Variants in TBC1D12 observed in about 807,000 individuals in gnomAD.
TBC1D12 encodes TBC1 domain family member 12, also known as TBC1 domain family, member 12.
Under a neutral mutation model 86.7 loss-of-function variants are expected in TBC1D12, and 56 were observed. The ratio of observed to expected loss-of-function variants is 0.65; its 90% confidence interval spans 0.52 to 0.81. TBC1D12 has a LOEUF of 0.81. Ranked by LOEUF, TBC1D12 falls within the 30% of genes least tolerant of loss-of-function variation. The probability of loss-of-function intolerance (pLI) is 0.00; values close to 1 mark genes in which losing one functional copy is unlikely to be tolerated. For synonymous variants in TBC1D12, 421 were observed against 411.7 expected, an observed-to-expected ratio of 1.02 and a Z score of -0.27; for missense variants, 1,023 against 1,038.8, an observed-to-expected ratio of 0.98 and a Z score of 0.21.
chr10:94,504,833 T>C (rs1222492410), intron 6 of TBC1D12, among the ~76,000 whole-genome samples: 1 of 152,170 alleles, frequency 6.6e-6, no homozygotes, highest in Admixed American at 6.5e-5. Context: ...TGTCACAAAA[T>C]CAGAAAGCAA....
chr10:94,408,690 C>T (rs1414126436), intron 1 of TBC1D12, among the ~76,000 whole-genome samples: 1 of 152,086 alleles, frequency 6.6e-6, no homozygotes, highest in East Asian at 1.9e-4. Context: ...TATAAGTCTC[C>T]CTTACTTGTT....
rs558590818 is a variant in TBC1D12, at chr10:94,453,972, A to G, written c.1095+11953A>G. On this transcript the variant is annotated intron_variant, in intron 2 of 12. Coordinates refer to ENST00000225235, the MANE Select transcript of TBC1D12 (RefSeq NM_015188.2). ...GATCTCTGTTCTGTTCCATTGATCT[A>G]TTTGTCTGTTCTTTCACCAATGCCA... Among the ~76,000 whole-genome samples, 26 of 152,068 alleles carry G rather than the reference A, an allele frequency of 1.7e-4. No individual in the cohort carries two copies. The East Asian group carries it at 1.9e-3, about 11-fold the overall frequency.
intron 12 of TBC1D12, among the ~76,000 whole-genome samples, chr10:94,531,987 T>G (rs1026733036): frequency 6.6e-6 from 1 of 151,052 alleles, no homozygotes; most frequent in Non-Finnish European, 1.5e-5. Context: ...TTCACACCAT[T>G]CTCCTGCCTC....
At chr10:94,490,241 G>C (rs551083113) in intron 3 of TBC1D12, among the ~76,000 whole-genome samples, 1 of 151,612 alleles carries the variant, frequency 6.6e-6, no homozygotes, top group East Asian at 2.0e-4. Context: ...GGTGACAAGA[G>C]TGAAACTCTG....
chr10:94,411,189 T>C (rs1350932799), intron 1 of TBC1D12, among the ~76,000 whole-genome samples: 1 of 152,220 alleles, frequency 6.6e-6, no homozygotes, highest in Non-Finnish European at 1.5e-5. Context: ...CATGTGAAGA[T>C]GGCACAGTGC....
chr10:94,460,982 A>G (rs565300679), intron 2 of TBC1D12, among the ~76,000 whole-genome samples: 5 of 152,108 alleles, frequency 3.3e-5, no homozygotes, highest in Admixed American at 6.6e-5. Context: ...CATGTTGTCT[A>G]CTTTTTCCAT....
At chr10:94,456,112 T>G (rs1263918194) in intron 2 of TBC1D12, among the ~76,000 whole-genome samples, 1 of 152,216 alleles carries the variant, frequency 6.6e-6, no homozygotes, top group Non-Finnish European at 1.5e-5. Context: ...TTTATTGATC[T>G]TTTTAAAGAA....
At chr10:94,511,966 G>A (rs559835131) in intron 9 of TBC1D12, among the ~76,000 whole-genome samples, 1 of 152,232 alleles carries the variant, frequency 6.6e-6, no homozygotes, top group East Asian at 1.9e-4. Flanking sequence ...TGTGCCTCTA[G>A]AGAGTAAACC....
chr10:94,496,625 ATAAAG>A (rs1589658213), intron 4 of TBC1D12, among the ~76,000 whole-genome samples: 1 of 152,186 alleles, frequency 6.6e-6, no homozygotes, highest in South Asian at 2.1e-4. Context: ...GAAATATGTG[ATAAAG>A]TAATCTACTT....
intron 2 of TBC1D12, among the ~76,000 whole-genome samples, chr10:94,458,804 T>C (rs909890051): frequency 6.6e-6 from 1 of 152,104 alleles, no homozygotes. Flanking sequence ...GTACCTTCCA[T>C]CTGGAGTTGT....
chr10:94,448,026 A>G (rs1410442496), intron 2 of TBC1D12, among the ~76,000 whole-genome samples: 1 of 151,918 alleles, frequency 6.6e-6, no homozygotes, highest in Non-Finnish European at 1.5e-5. Flanking sequence ...TTTTTCATCA[A>G]TACACATGCC....
chr10:94,526,933 G>A (rs1842305725), intron 11 of TBC1D12, among the ~76,000 whole-genome samples: 1 of 152,012 alleles, frequency 6.6e-6, no homozygotes, highest in African/African-American at 2.4e-5. Flanking sequence ...TCCTAACTGG[G>A]GTAAGAGGAT....
At chr10:94,490,115 A>G (rs1007837859) in intron 3 of TBC1D12, among the ~76,000 whole-genome samples, 3 of 152,118 alleles carry the variant, frequency 2.0e-5, no homozygotes, top group Non-Finnish European at 2.9e-5. Context: ...GCCAGGCATG[A>G]TGGCAGGCAT....
At chr10:94,507,187 G>A in intron 6 of TBC1D12, 80 bp from the exon 7 acceptor site, 2 of 1,398,184 alleles carry the variant, frequency 1.4e-6, no homozygotes, top group Non-Finnish European at 9.9e-7. Flanking sequence ...ACCTGTAATA[G>A]GTAAAGAGTA....
At chr10:94,403,670 G>GAGCCGT in intron 1 of TBC1D12, 86 bp downstream of exon 1, 1 of 1,389,416 alleles carries the variant, frequency 7.2e-7, no homozygotes, top group Non-Finnish European at 9.3e-7. Context: ...GCCGGAGCCG[G>GAGCCGT]AGCCGGAGCG....
At position 94,457,155 on chromosome 10, in the gene TBC1D12, G is replaced by T. The variant is rs111733976; in HGVS notation, c.1095+15136G>T. ...CTGACCTTGCAGGTTTGTTACGTAG[G>T]TATGCATGTGCCATGGTTGTTTGCT... On this transcript the variant is annotated intron_variant, in intron 2 of 12. Transcript: ENST00000225235. Among the ~76,000 whole-genome samples the T allele has an allele frequency of 5.3e-3, 806 of 152,254 alleles. 6 individuals carry two copies. The highest frequency in any genetic ancestry group is 7.0e-3 in the Non-Finnish European group (479 of 68,030).
At chr10:94,429,694 A>G (rs1378183854) in intron 1 of TBC1D12, among the ~76,000 whole-genome samples, 3 of 152,100 alleles carry the variant, frequency 2.0e-5, no homozygotes, top group Non-Finnish European at 2.9e-5. Flanking sequence ...TATGATTTCT[A>G]ATTTTTAAAA....
At chr10:94,463,871 A>G (rs189694747) in intron 2 of TBC1D12, among the ~76,000 whole-genome samples, 14 of 152,294 alleles carry the variant, frequency 9.2e-5, no homozygotes, top group Non-Finnish European at 4.4e-5. Flanking sequence ...CCACTAACTG[A>G]GAGAAGAGTG....
intron 2 of TBC1D12, among the ~76,000 whole-genome samples, chr10:94,465,789 T>TAC (rs2055806404): frequency 5.6e-5 from 8 of 143,020 alleles, no homozygotes; most frequent in Non-Finnish European, 1.2e-4. Context: ...CATACATACA[T>TAC]ATACGCATAC....
Sources: gnomAD v4.1 joint callset for allele counts (sites outside exome capture counted in the v4.1 genomes callset) on GRCh38, gnomAD v4.1.1 for gene constraint, MANE v1.5 for transcripts, NCBI Gene and HGNC (gene_info 2026-07-23, HGNC 2026-07-21) for gene names.